SUN2: variants seen among roughly 807,000 people sequenced by gnomAD.
SUN2 encodes the protein Sad1 and UNC84 domain containing 2.
SUN2 carries 60 observed loss-of-function variants against 100.0 expected under a neutral mutation model. The observed-to-expected ratio is 0.60, with a 90% CI of 0.49 to 0.74. SUN2 has a LOEUF of 0.74. Ranked by LOEUF, SUN2 falls within the 30% of genes least tolerant of loss-of-function variation. The probability of loss-of-function intolerance (pLI) is 0.00; values close to 1 mark genes in which losing one functional copy is unlikely to be tolerated. For missense variants in SUN2, 834 were observed against 954.6 expected, an observed-to-expected ratio of 0.87 and a Z score of 1.66; for synonymous variants, 367 against 403.3, an observed-to-expected ratio of 0.91 and a Z score of 1.08.
rs1231028276 is a variant in SUN2, at chr22:38,752,593, G to A, written c.36C>T (p.Ser12=). ...TGCTGCTGCCGTCATCGTCACCCTGGGAGTAGCGCGTGAGGCGCTGGCTTC... is the reference window on the plus strand; with the variant it reads ...TGCTGCTGCCGTCATCGTCACCCTGAGAGTAGCGCGTGAGGCGCTGGCTTC... The part of the protein sequence containing the change: ...SRRSQRLTRY[S]QGDDDGSSSS... The change falls in exon 2 of 18, where the codon TCC becomes TCT. Residue 12 remains serine, a synonymous_variant. Transcript: ENST00000689035. 1 of 1,613,870 alleles carries A rather than the reference G, an allele frequency of 6.2e-7. No individual in the cohort carries two copies. Among genetic ancestry groups the A allele is most frequent in the East Asian group, 2.2e-5 (1 of 44,882 alleles).
intron 7 of SUN2, among the ~76,000 whole-genome samples, chr22:38,748,197 C>T (rs1428409747): frequency 6.6e-6 from 1 of 152,178 alleles, no homozygotes; most frequent in Non-Finnish European, 1.5e-5. Flanking sequence ...GCCTGTAATC[C>T]CAGCTACTCG....
intron 4 of SUN2, among the ~76,000 whole-genome samples, chr22:38,750,613 G>A (rs1569304873): frequency 6.6e-6 from 1 of 152,268 alleles, no homozygotes; most frequent in Admixed American, 6.5e-5. Flanking sequence ...CACCATGTGT[G>A]AGCCCCACAG....
At position 38,751,381 on chromosome 22, in the gene SUN2, A is replaced by G. The variant is rs914297671; in HGVS notation, c.123-8T>C. On this transcript the variant is annotated splice_region_variant and splice_polypyrimidine_tract_variant and intron_variant, in intron 2 of 17. Coordinates refer to ENST00000689035, the MANE Select transcript of SUN2 (RefSeq NM_015374.3). ...GATTTCCTCTTCAAGGTCCTGTGGG[A>G]CAACCATGAGGGCAGAGGTAGGGAG... 1.2e-6 allele frequency: 2 copies of G among 1,613,004 alleles called. No homozygotes were observed. The highest frequency in any genetic ancestry group is 2.7e-5 in the African/African-American group (2 of 74,912).
In SUN2 at chr22:38,735,473, A is replaced by C. The variant is rs2145909358; in HGVS notation, c.*794T>G. The C allele has an allele frequency of 6.8e-6, 2 of 296,088 alleles. No homozygotes were observed. The highest frequency in any genetic ancestry group is 9.6e-5 in the Admixed American group (2 of 20,912). 18.3% of individuals were successfully genotyped at this position (296,088 alleles called of 1,614,324 possible). ...CTCCATACCCTGGGAGAATGTGGAA[A>C]GCAAGCTCAGGGGCACTGGCAGGCC... On this transcript the variant is annotated 3_prime_UTR_variant, in exon 18 of 18. Coordinates refer to ENST00000689035, the MANE Select transcript of SUN2 (RefSeq NM_015374.3).
chr22:38,742,612 C>T, intron 8 of SUN2, 57 bp from the exon 9 acceptor site: 2 of 1,551,968 alleles, frequency 1.3e-6, no homozygotes, highest in South Asian at 2.4e-5. Flanking sequence ...TAGTGCTTCC[C>T]AAAGACCACC....
Position 38,738,104 on chromosome 22 carries a change from G to T in SUN2, c.2040+69C>A. ...GAACCCCATGCCTGGCAGGGTAAGT[G>T]CCCAGGGAGCACCTGCTGCCTGGAT... On this transcript the variant is annotated intron_variant, in intron 17 of 17. Coordinates refer to ENST00000689035, the MANE Select transcript of SUN2 (RefSeq NM_015374.3). This position sits in a 1 kb window ranked among gnomAD's most constrained non-coding sequence, Gnocchi z 6.6. The T allele has an allele frequency of 1.5e-6, 2 of 1,375,882 alleles. No individual in the cohort carries two copies. Among genetic ancestry groups the T allele is most frequent in the Non-Finnish European group, 2.1e-6 (2 of 963,012 alleles). The allele number at this position is 1,375,882 out of a possible 1,614,324, so 85.2% of individuals were successfully genotyped here. A position where few individuals can be genotyped will look rare whatever the true frequency, so the allele number is the denominator to read the frequency against.
At chr22:38,750,621 C>G (rs946834765) in intron 4 of SUN2, among the ~76,000 whole-genome samples, 5 of 152,248 alleles carry the variant, frequency 3.3e-5, no homozygotes, top group Admixed American at 2.0e-4. Context: ...GTGAGCCCCA[C>G]AGGAAAGTGC....
At position 38,739,546 on chromosome 22, in the gene SUN2, C is replaced by T. The variant is rs78853873; in HGVS notation, c.1579-120G>A. The T allele has an allele frequency of 5.2e-6, 7 of 1,350,138 alleles. No individual in the cohort carries two copies. In the African/African-American group the frequency reaches 5.8e-5, roughly 11 times the overall value. The allele number at this position is 1,350,138 out of a possible 1,614,324, so 83.6% of individuals were successfully genotyped here. On this transcript the variant is annotated intron_variant, in intron 13 of 17. Transcript: ENST00000689035. This position sits in a 1 kb window ranked among gnomAD's most constrained non-coding sequence, Gnocchi z 6.7. ...CTTCTAGGCTTGCACTGTGCTGGTG[C>T]CCAGGCAGATGTGGGCACACTGCCA...
Position 38,739,351 on chromosome 22 carries a change from C to G in SUN2, c.1654G>C (p.Glu552Gln). ...DRIGLADYAL[E>Q]SGGASVISTR... is the part of the protein sequence containing the mutation. Reference sequence around the variant, plus strand: ...AAAGCAGAGCACGTACCTCCTGACTCCAGGGCGTAGTCTGCCAGCCCGATG... The same window carrying G: ...AAAGCAGAGCACGTACCTCCTGACTGCAGGGCGTAGTCTGCCAGCCCGATG... Residue 552 changes from glutamate to glutamine, a missense_variant, in exon 14 of 18, where the codon GAG (glutamate) becomes CAG (glutamine). Physicochemically the swap from Glu to Gln is conservative, Grantham distance 29 (BLOSUM62 2). Coordinates refer to ENST00000689035, the MANE Select transcript of SUN2 (RefSeq NM_015374.3). The surrounding 1 kb of genome is among the most constrained non-coding windows in gnomAD (Gnocchi z 6.7). 1 of 1,613,084 alleles carries G rather than the reference C, an allele frequency of 6.2e-7. No individual in the cohort carries two copies. The highest frequency in any genetic ancestry group is 8.5e-7 in the Non-Finnish European group (1 of 1,180,018).
chr22:38,753,957 G>A (rs932047839), intron 1 of SUN2, among the ~76,000 whole-genome samples: 1 of 152,088 alleles, frequency 6.6e-6, no homozygotes, highest in Non-Finnish European at 1.5e-5. Flanking sequence ...TCACACATGC[G>A]CAAAACAAGG....
chr22:38,743,588 A>AG (rs35456808), intron 8 of SUN2: 2 of 12,330 alleles, frequency 1.6e-4, no homozygotes, highest in African/African-American at 2.2e-4. Context: ...ACTCCGTCTC[A>AG]AAAAAAAAAA....
At position 38,741,551 on chromosome 22, in the gene SUN2, T is replaced by C; in HGVS notation, c.1089A>G (p.Arg363=). 1 of 1,614,046 alleles carries C rather than the reference T, an allele frequency of 6.2e-7. No homozygotes were observed. The highest frequency in any genetic ancestry group is 8.5e-7 in the Non-Finnish European group (1 of 1,180,006). ...ARIQEELSAL[R]AEHQQDSEDL... ...CTTCTGAGTCTTGCTGATGCTCTGCTCTCAGGGCAGACAGTTCTTCCTGTG... is the reference window on the plus strand; with the variant it reads ...CTTCTGAGTCTTGCTGATGCTCTGCCCTCAGGGCAGACAGTTCTTCCTGTG... The change falls in exon 10 of 18, where the codon AGA becomes AGG. Residue 363 remains arginine (R), a synonymous_variant. Coordinates refer to ENST00000689035, the MANE Select transcript of SUN2 (RefSeq NM_015374.3).
At chr22:38,746,515 G>A (rs2092904631) in intron 7 of SUN2, among the ~76,000 whole-genome samples, 1 of 152,230 alleles carries the variant, frequency 6.6e-6, no homozygotes, top group African/African-American at 2.4e-5. Flanking sequence ...GTTGGCAGGT[G>A]CAAAAGGAAG....
In SUN2 at chr22:38,752,634, G is replaced by A. The variant is rs947416959; in HGVS notation, c.-6C>T. 1.3e-5 allele frequency: 21 copies of A among 1,613,236 alleles called. No individual in the cohort carries two copies. The highest frequency in any genetic ancestry group is 1.7e-5 in the Non-Finnish European group (20 of 1,179,884). Reference sequence around the variant, plus strand: ...CGCTGGCTTCTTCGGGACATGATGAGGTGGGATGTGGACTCTTCCCCTGAA... The same window carrying A: ...CGCTGGCTTCTTCGGGACATGATGAAGTGGGATGTGGACTCTTCCCCTGAA... On this transcript the variant is annotated 5_prime_UTR_variant, in exon 2 of 18. Transcript: ENST00000689035.
Position 38,738,435 on chromosome 22 carries a change from G to T in SUN2, c.1947+152C>A. 5 of 1,173,730 alleles carry T rather than the reference G, an allele frequency of 4.3e-6. No individual in the cohort carries two copies. 72.7% of individuals were successfully genotyped at this position (1,173,730 alleles called of 1,614,324 possible). On this transcript the variant is annotated intron_variant, in intron 16 of 17. Coordinates refer to ENST00000689035, the MANE Select transcript of SUN2 (RefSeq NM_015374.3). The surrounding 1 kb of genome is among the most constrained non-coding windows in gnomAD (Gnocchi z 6.6). Reference sequence around the variant, plus strand: ...TGCCTCCAAAGCCTAAGGTAACAGGGACTGAAGTGCTGTCTCCCACCCTAG... The same window carrying T: ...TGCCTCCAAAGCCTAAGGTAACAGGTACTGAAGTGCTGTCTCCCACCCTAG...
rs1274291039 is a variant in SUN2, at chr22:38,755,407, G to T, written c.-38+356C>A. On this transcript the variant is annotated intron_variant, in intron 1 of 17. Transcript: ENST00000689035. The surrounding 1 kb of genome is among the most constrained non-coding windows in gnomAD (Gnocchi z 5.7). ...AGGCCCTGAGTTCTGACAGGCAGAG[G>T]CTGGGAACTGCCTGTCCCTGGAAAC... 9.0e-6 allele frequency: 9 copies of T among 1,000,982 alleles called. No homozygotes were observed. The highest frequency in any genetic ancestry group is 8.4e-6 in the Non-Finnish European group (7 of 837,576). 62.0% of individuals were successfully genotyped at this position (1,000,982 alleles called of 1,614,324 possible).
rs1236843735 is a variant in SUN2 at position 38,750,380 on chromosome 22, T to G, written c.425-60A>C. 1.3e-5 allele frequency: 21 copies of G among 1,601,414 alleles called. No individual in the cohort carries two copies. In the African/African-American group the frequency reaches 2.4e-4, roughly 18 times the overall value. ...CACTTTCGAGCCTCTTCCTTCACTGTCTTCTGTGAGCCAAGACCACAAGTC... is the reference window on the plus strand; with the variant it reads ...CACTTTCGAGCCTCTTCCTTCACTGGCTTCTGTGAGCCAAGACCACAAGTC... On this transcript the variant is annotated intron_variant, in intron 4 of 17. Coordinates refer to ENST00000689035, the MANE Select transcript of SUN2 (RefSeq NM_015374.3).
In SUN2 at chr22:38,755,653, G is replaced by T; in HGVS notation, c.-38+110C>A. ...TGGATCCGGCCCAGCACGTCCCGGA[G>T]AGGAGGAAGCAGGCCTGGCGGCGCG... On this transcript the variant is annotated intron_variant, in intron 1 of 17. Coordinates refer to ENST00000689035, the MANE Select transcript of SUN2 (RefSeq NM_015374.3). This position sits in a 1 kb window ranked among gnomAD's most constrained non-coding sequence, Gnocchi z 5.7. The T allele has an allele frequency of 1.0e-6, 1 of 969,330 alleles. No individual in the cohort carries two copies. Among genetic ancestry groups the T allele is most frequent in the Non-Finnish European group, 1.2e-6 (1 of 815,240 alleles). 60.0% of individuals were successfully genotyped at this position (969,330 alleles called of 1,614,324 possible).
intron 6 of SUN2, 45 bp downstream of exon 6, chr22:38,749,720 AC>A (rs1218861854): frequency 1.3e-6 from 2 of 1,563,538 alleles, no homozygotes; most frequent in Admixed American, 3.4e-5. Flanking sequence ...CCGTCCCTTC[AC>A]CCCAGGGCCT....
Sources: allele counts gnomAD v4.1 joint callset (sites outside exome capture counted in the v4.1 genomes callset), GRCh38; gene constraint gnomAD v4.1.1; non-coding constraint Gnocchi (gnomAD v3.1); transcripts MANE v1.5; gene names NCBI Gene and HGNC (gene_info 2026-07-23, HGNC 2026-07-21).